Variants in GRK1 observed in about 807,000 individuals in gnomAD.
GRK1 encodes G protein-coupled receptor kinase 1.
In GRK1, 28 loss-of-function variants were observed where a neutral mutation model predicts 41.7. The ratio of observed to expected loss-of-function variants is 0.67; its 90% CI spans 0.50 to 0.92. GRK1 has a LOEUF of 0.92. GRK1 is among the 40% of genes least tolerant of loss of function. The probability of loss-of-function intolerance (pLI) is 0.00; values close to 1 mark genes in which losing one functional copy is unlikely to be tolerated. For missense variants in GRK1, 703 were observed against 671.2 expected, an observed-to-expected ratio of 1.05 and a Z score of -0.52; for synonymous variants, 327 against 286.7, an observed-to-expected ratio of 1.14 and a Z score of -1.42.
At chr13:113,655,308 G>C in the GRK1 span, among the ~76,000 whole-genome samples, 1 of 152,200 alleles carries the variant, frequency 6.6e-6, no homozygotes, top group African/African-American at 2.4e-5. Flanking sequence ...GGGAGTTATG[G>C]TTCCCCCATC....
chr13:113,663,466 T>G (rs967683893), upstream of GRK1, among the ~76,000 whole-genome samples: 11 of 152,184 alleles, frequency 7.2e-5, no homozygotes, highest in African/African-American at 2.4e-4. Context: ...AATATTTATA[T>G]TCAACAAAAT....
rs67574312 is a variant in GRK1 at position 113,670,099 on chromosome 13, G to A, written c.827+285G>A. Among the ~76,000 whole-genome samples, 14,693 of 152,220 alleles carry A rather than the reference G, an allele frequency of 0.097. 981 individuals are homozygous for A. Among genetic ancestry groups the A allele is most frequent in the African/African-American group, 0.18 (7,586 of 41,522 alleles). ...GGAGGCACGTGGTGCTGTGGGGGAC[G>A]TGTGATGCAGTCGGCGGGGCCTCTG... On this transcript the variant is annotated intron_variant, in intron 2 of 6. Coordinates refer to ENST00000335678, the MANE Select transcript of GRK1 (RefSeq NM_002929.3).
At chr13:113,668,106 AGCAGGGATGGGGTGGCAGGGT>A (rs771233667) in intron 1 of GRK1, 21 bp downstream of exon 1, 2 of 1,585,626 alleles carry the variant, frequency 1.3e-6, no homozygotes, top group African/African-American at 2.7e-5. Context: ...CGACCCGGCC[AGCAGGGATGGGGTGGCAGGGT>A]GCAGGGATGG....
chr13:113,663,318 C>T (rs1353768054), upstream of GRK1, among the ~76,000 whole-genome samples: 1 of 152,348 alleles, frequency 6.6e-6, no homozygotes, highest in South Asian at 2.1e-4. Context: ...GACCTTCAAC[C>T]TCTTAAACCT....
chr13:113,725,259 C>T (rs565956004), intron 4 of GRK1, among the ~76,000 whole-genome samples: 245 of 151,550 alleles, frequency 1.6e-3, no homozygotes, highest in African/African-American at 5.8e-3. Flanking sequence ...GCGGTGCGGA[C>T]CCAGGGGCGT....
At chr13:113,669,928 G>A (rs542067543) in intron 2 of GRK1, 114 bp downstream of exon 2, 121 of 1,303,210 alleles carry the variant, frequency 9.3e-5, no homozygotes, top group African/African-American at 1.2e-4. Context: ...GCCTGCCCTC[G>A]AGGGAAGCCT....
rs758563480 is a variant in GRK1 at position 113,668,122 on chromosome 13, C to T, written c.699+37C>T. 3.0e-5 allele frequency: 47 copies of T among 1,567,598 alleles called. No individual in the cohort carries two copies. In the Middle Eastern group the frequency reaches 5.6e-4, roughly 19 times the overall value. Reference sequence around the variant, plus strand: ...GACCCGGCCAGCAGGGATGGGGTGGCAGGGTGCAGGGATGGGGCGGCAGGG... The same window carrying T: ...GACCCGGCCAGCAGGGATGGGGTGGTAGGGTGCAGGGATGGGGCGGCAGGG... On this transcript the variant is annotated intron_variant, in intron 1 of 6. Transcript: ENST00000335678.
chr13:113,655,798 T>C, the GRK1 span, among the ~76,000 whole-genome samples: 3 of 152,234 alleles, frequency 2.0e-5, no homozygotes, highest in African/African-American at 7.2e-5. Context: ...TTCTGCTTAG[T>C]GAGCCGTTCT....
intron 2 of GRK1, 54 bp downstream of exon 2, chr13:113,669,868 G>T (rs2049845361): frequency 6.2e-7 from 1 of 1,603,996 alleles, no homozygotes; most frequent in Admixed American, 1.7e-5. Context: ...CTGGGTCAGG[G>T]TTTCCAGGGC....
chr13:113,669,473 T>A (rs577276561), intron 1 of GRK1, among the ~76,000 whole-genome samples: 16 of 152,360 alleles, frequency 1.1e-4, no homozygotes, highest in Admixed American at 7.8e-4. Flanking sequence ...GTCCCCTGTA[T>A]GTGAAGGAAT....
At chr13:113,651,567 A>T in the GRK1 span, 2 of 1,291,386 alleles carry the variant, frequency 1.5e-6, no homozygotes, top group Non-Finnish European at 2.1e-6. Flanking sequence ...CCGACGGCTG[A>T]CATTCCTGGA....
At chr13:113,653,262 G>A in the GRK1 span, 1,574 of 1,449,052 alleles carry the variant, frequency 1.1e-3, 18 homozygotes, top group African/African-American at 0.02. Flanking sequence ...TCACCCACCC[G>A]CCGCTTCACA....
At chr13:113,655,006 C>T in the GRK1 span, 1 of 1,596,228 alleles carries the variant, frequency 6.3e-7, no homozygotes, top group African/African-American at 1.3e-5. Context: ...AATTCGGTGG[C>T]CTTGAGCGCG....
intron 2 of GRK1, among the ~76,000 whole-genome samples, chr13:113,670,436 C>G (rs943771573): frequency 6.6e-6 from 1 of 152,194 alleles, no homozygotes; most frequent in African/African-American, 2.4e-5. Context: ...AGAGACTGTC[C>G]GGAGATTAAG....
At chr13:113,672,354 A>ATGGTGTGGTATC (rs1241811440) in intron 3 of GRK1, among the ~76,000 whole-genome samples, 3 of 7,544 alleles carry the variant, frequency 4.0e-4, no homozygotes, top group Non-Finnish European at 8.1e-4. Context: ...TGGTACCTGT[A>ATGGTGTGGTATC]TGGTGTGGTA....
At chr13:113,664,177 C>T (rs114391199), upstream of GRK1, among the ~76,000 whole-genome samples, 1,076 of 152,142 alleles carry the variant, frequency 7.1e-3, 13 homozygotes, top group African/African-American at 0.022. The surrounding 1 kb of genome is among the most constrained non-coding windows in gnomAD (Gnocchi z 5.4). Flanking sequence ...ATTCATGTGA[C>T]GTGCTTAGAG....
chr13:113,655,846 TC>T, the GRK1 span, among the ~76,000 whole-genome samples: 3 of 152,120 alleles, frequency 2.0e-5, no homozygotes, highest in Non-Finnish European at 4.4e-5. Flanking sequence ...CAGGACCAAG[TC>T]AGAGAAGCAA....
chr13:113,658,798 G>A, the GRK1 span, among the ~76,000 whole-genome samples: 4 of 152,188 alleles, frequency 2.6e-5, no homozygotes, highest in South Asian at 8.3e-4. Context: ...GGCACCGAGG[G>A]CCCTTTAGGA....
Position 113,735,373 on chromosome 13 carries a change from C to G in GRK1, c.*10C>G, listed in dbSNP as rs953519563. On this transcript the variant is annotated 3_prime_UTR_variant, in exon 7 of 7. Coordinates refer to ENST00000335678, the MANE Select transcript of GRK1 (RefSeq NM_002929.3). Reference sequence around the variant, plus strand: ...GTGTCTGGTTTCCTAGGTGACGCCCCAGAGTCCACGTGGAGGAAAAGGACC... The same window carrying G: ...GTGTCTGGTTTCCTAGGTGACGCCCGAGAGTCCACGTGGAGGAAAAGGACC... The G allele has an allele frequency of 6.8e-7, 1 of 1,480,496 alleles. No homozygotes were observed. Among genetic ancestry groups the G allele is most frequent in the Middle Eastern group, 1.8e-4 (1 of 5,696 alleles). 91.7% of individuals were successfully genotyped at this position (1,480,496 alleles called of 1,614,324 possible). A position where few individuals can be genotyped will look rare whatever the true frequency, so the allele number is the denominator to read the frequency against.
Sources: allele counts gnomAD v4.1 joint callset (sites outside exome capture counted in the v4.1 genomes callset), GRCh38; gene constraint gnomAD v4.1.1; non-coding constraint Gnocchi (gnomAD v3.1); transcripts MANE v1.5; gene names NCBI Gene and HGNC (gene_info 2026-07-23, HGNC 2026-07-21).